MARCHF8: variants seen among roughly 807,000 people sequenced by gnomAD.
The protein encoded by MARCHF8 is membrane associated ring-CH-type finger 8.
A neutral mutation model predicts 51.6 loss-of-function variants in MARCHF8; 40 were observed. The observed-to-expected ratio is 0.77, with a 90% CI of 0.60 to 1.01. The LOEUF (loss-of-function observed/expected upper bound fraction) is 1.01, where lower values mean the gene tolerates loss of function less well. Among genes scored for constraint, MARCHF8 ranks in the 50% least tolerant of loss-of-function variants. MARCHF8 has a pLI of 0.00. For missense variants in MARCHF8, 685 were observed against 708.6 expected (o/e 0.97, Z 0.38); for synonymous variants, 263 against 280.3 (o/e 0.94, Z 0.62).
chr10:45,547,647 T>C (rs2044143917), intron 1 of MARCHF8, among the ~76,000 whole-genome samples: 1 of 152,130 alleles, frequency 6.6e-6, no homozygotes, highest in Admixed American at 6.6e-5. Flanking sequence ...AATTTCACAG[T>C]GGCACTGCTA....
At chr10:45,494,394 T>C (rs1306971213) in intron 2 of MARCHF8, among the ~76,000 whole-genome samples, 1 of 152,066 alleles carries the variant, frequency 6.6e-6, no homozygotes, top group Non-Finnish European at 1.5e-5. Context: ...TAGGACTTCA[T>C]CATGTGGGGT....
intron 3 of MARCHF8, among the ~76,000 whole-genome samples, chr10:45,469,647 C>A (rs535548306): frequency 1.3e-5 from 2 of 151,920 alleles, no homozygotes; most frequent in Non-Finnish European, 2.9e-5. Flanking sequence ...GGGCGGATCA[C>A]GAGGTCAGGA....
chr10:45,566,606 T>A (rs2133379067), intron 1 of MARCHF8, among the ~76,000 whole-genome samples: 1 of 152,304 alleles, frequency 6.6e-6, no homozygotes, highest in East Asian at 1.9e-4. Flanking sequence ...CTGGATCTCA[T>A]TATTTTTGAC....
intron 3 of MARCHF8, among the ~76,000 whole-genome samples, chr10:45,482,294 C>T (rs532884373): frequency 1.3e-5 from 2 of 152,252 alleles, no homozygotes; most frequent in South Asian, 4.1e-4. Context: ...TGTCATTTTA[C>T]ACAGAAACAG....
rs763338743 is a variant in MARCHF8 at position 45,458,231 on chromosome 10, G to T, written c.*8C>A. 1.3e-6 allele frequency: 2 copies of T among 1,598,764 alleles called. No homozygotes were observed. Among genetic ancestry groups the T allele is most frequent in the Non-Finnish European group, 8.5e-7 (1 of 1,172,618 alleles). ...TGGATGTCCAGGAAAATGACAACCC[G>T]CACACAATCAGACGTGAATGATTTC... On this transcript the variant is annotated 3_prime_UTR_variant, in exon 8 of 8. Transcript: ENST00000453424.
In MARCHF8 at chr10:45,582,733, T is replaced by C. The variant is rs551128061; in HGVS notation, c.-79+11502A>G. On this transcript the variant is annotated intron_variant, in intron 1 of 6. Coordinates refer to the MARCHF8 transcript ENST00000319836. Reference sequence around the variant, plus strand: ...GAAAGGATTGACAGTTTTTGTTTTATAAAAATATAAATACTGAGAGAAAAG... The same window carrying C: ...GAAAGGATTGACAGTTTTTGTTTTACAAAAATATAAATACTGAGAGAAAAG... Among the ~76,000 whole-genome samples, 8 of 152,246 alleles carry C rather than the reference T, an allele frequency of 5.3e-5. No individual in the cohort carries two copies. In the South Asian group the frequency reaches 1.7e-3, roughly 32 times the overall value.
At position 45,458,089 on chromosome 10, in the gene MARCHF8, C is replaced by A; in HGVS notation, c.*150G>T. The A allele has an allele frequency of 1.2e-6, 1 of 846,494 alleles. No individual in the cohort carries two copies. The highest frequency in any genetic ancestry group is 1.7e-5 in the African/African-American group (1 of 58,226). The allele number at this position is 846,494 out of a possible 1,614,324, so 52.4% of individuals were successfully genotyped here. On this transcript the variant is annotated 3_prime_UTR_variant, in exon 8 of 8. Transcript: ENST00000453424. ...GCCCACAGGAAGGTTTTCTAGGAGA[C>A]TAAGGAGGGTTTAGAAAAAGAGAAG... is the stretch of plus-strand genomic sequence containing the variant.
intron 2 of MARCHF8, among the ~76,000 whole-genome samples, chr10:45,500,917 C>A (rs534986552): frequency 6.6e-6 from 1 of 151,822 alleles, no homozygotes; most frequent in Admixed American, 6.6e-5. Context: ...AAAGAACTCA[C>A]AATTACTATT....
intron 1 of MARCHF8, among the ~76,000 whole-genome samples, chr10:45,570,648 T>C (rs906883556): frequency 6.6e-6 from 1 of 152,182 alleles, no homozygotes; most frequent in Non-Finnish European, 1.5e-5. Context: ...ATACTACGCA[T>C]AAATATTTGA....
At chr10:45,585,141 A>G (rs984421269) in intron 1 of MARCHF8, among the ~76,000 whole-genome samples, 1 of 152,228 alleles carries the variant, frequency 6.6e-6, no homozygotes, top group Non-Finnish European at 1.5e-5. Context: ...TTAAGCCTCT[A>G]AGTTTGTGGT....
At chr10:45,581,022 T>C (rs747555670) in intron 1 of MARCHF8, among the ~76,000 whole-genome samples, 23 of 152,016 alleles carry the variant, frequency 1.5e-4, no homozygotes, top group Non-Finnish European at 2.4e-4. Flanking sequence ...GAGGAGGCTG[T>C]GAGCAAGGCT....
intron 2 of MARCHF8, among the ~76,000 whole-genome samples, chr10:45,520,027 G>C (rs1267821611): frequency 6.6e-6 from 1 of 152,254 alleles, no homozygotes; most frequent in East Asian, 1.9e-4. Context: ...TGAGAACTAC[G>C]CACTCAGCAG....
intron 2 of MARCHF8, among the ~76,000 whole-genome samples, chr10:45,495,839 G>A (rs1277301366): frequency 1.4e-5 from 2 of 147,762 alleles, no homozygotes; most frequent in Admixed American, 6.7e-5. Flanking sequence ...AAAGAGAAAA[G>A]AGAAAAAAGA....
chr10:45,511,480 G>C (rs915286936), intron 2 of MARCHF8, among the ~76,000 whole-genome samples: 3 of 152,240 alleles, frequency 2.0e-5, no homozygotes, highest in African/African-American at 7.2e-5. Flanking sequence ...CTGTACTGCT[G>C]CCATCTCGGC....
chr10:45,520,578 G>C (rs1351204646), intron 2 of MARCHF8, among the ~76,000 whole-genome samples: 1 of 152,202 alleles, frequency 6.6e-6, no homozygotes, highest in Non-Finnish European at 1.5e-5. Flanking sequence ...CAGGTGACAA[G>C]TACAACTGTG....
At chr10:45,497,690 T>C (rs958546501) in intron 2 of MARCHF8, among the ~76,000 whole-genome samples, 6 of 151,126 alleles carry the variant, frequency 4.0e-5, no homozygotes, top group African/African-American at 1.5e-4. Flanking sequence ...AACCAGTAAA[T>C]CAAAAAAGAA....
chr10:45,479,577 C>T (rs2042849015), intron 3 of MARCHF8, among the ~76,000 whole-genome samples: 1 of 152,160 alleles, frequency 6.6e-6, no homozygotes, highest in Admixed American at 6.5e-5. Context: ...TTCCCCCATA[C>T]TGTTCTTGTG....
At chr10:45,522,852 A>T (rs1046291676) in intron 2 of MARCHF8, among the ~76,000 whole-genome samples, 1 of 152,236 alleles carries the variant, frequency 6.6e-6, no homozygotes, top group African/African-American at 2.4e-5. Flanking sequence ...GGTATGGAAG[A>T]TATAAAACAT....
chr10:45,480,738 G>A (rs765413712), intron 3 of MARCHF8, among the ~76,000 whole-genome samples: 3 of 152,206 alleles, frequency 2.0e-5, no homozygotes, highest in Non-Finnish European at 2.9e-5. Context: ...ATGCCTGGAT[G>A]TTCAGGCACT....
Sources: gnomAD v4.1 joint callset for allele counts (sites outside exome capture counted in the v4.1 genomes callset) on GRCh38, gnomAD v4.1.1 for gene constraint, MANE v1.5 for transcripts, NCBI Gene and HGNC (gene_info 2026-07-23, HGNC 2026-07-21) for gene names.